PLSCR2: variants seen among roughly 807,000 people sequenced by gnomAD.
The protein encoded by PLSCR2 is phospholipid scramblase 2.
A neutral mutation model predicts 25.3 loss-of-function variants in PLSCR2; 18 were observed. The ratio of observed to expected loss-of-function variants is 0.71; its 90% CI spans 0.49 to 1.06. The LOEUF is 1.06. PLSCR2 is among the 50% of genes least tolerant of loss of function. PLSCR2 has a pLI of 0.00. For missense variants in PLSCR2, 243 were observed against 269.5 expected (o/e 0.90, Z 0.69); for synonymous variants, 88 against 87.3 (o/e 1.01, Z -0.04).
chr3:146,415,311 C>T (rs2038974077), intron 2 of PLSCR2: 1 of 152,226 alleles, frequency 6.6e-6, no homozygotes, highest in Non-Finnish European at 1.5e-5. Flanking sequence ...TGTCACTTGT[C>T]TTGTATATCA....
chr3:146,479,353 C>T (rs1016685277), intron 1 of PLSCR2, among the ~76,000 whole-genome samples: 11 of 152,082 alleles, frequency 7.2e-5, no homozygotes, highest in South Asian at 2.1e-4. Flanking sequence ...ACCCATCTCA[C>T]GTGCAGAGAC....
chr3:146,412,440 C>A (rs138725916), intron 2 of PLSCR2, among the ~76,000 whole-genome samples: 6 of 152,186 alleles, frequency 3.9e-5, no homozygotes, highest in Admixed American at 2.0e-4. Flanking sequence ...GACTAAGCAC[C>A]ATTTGGATGT....
chr3:146,439,135 G>T (rs576567040), downstream of PLSCR2, among the ~76,000 whole-genome samples: 1 of 152,124 alleles, frequency 6.6e-6, no homozygotes, highest in Non-Finnish European at 1.5e-5. Flanking sequence ...AGTTTCTGCC[G>T]AGAGATCTGC....
intron 2 of PLSCR2, among the ~76,000 whole-genome samples, chr3:146,425,241 G>A (rs2039301116): frequency 6.6e-6 from 1 of 152,080 alleles, no homozygotes; most frequent in Admixed American, 6.6e-5. Context: ...CAAGTAAGAG[G>A]CTGTATCTGC....
At chr3:146,463,796 C>T, upstream of PLSCR2, 1 of 880,354 alleles carries the variant, frequency 1.1e-6, no homozygotes, top group South Asian at 5.2e-5. Flanking sequence ...ACATCCTCAA[C>T]TAAAATCTAG....
At chr3:146,466,059 CTTG>C (rs1305628941) in intron 1 of PLSCR2, among the ~76,000 whole-genome samples, 1 of 152,186 alleles carries the variant, frequency 6.6e-6, no homozygotes, top group Non-Finnish European at 1.5e-5. Context: ...TGCAAAGCAC[CTTG>C]TAACCGGGAG....
At chr3:146,493,250 A>G (rs1388111481) in intron 1 of PLSCR2, among the ~76,000 whole-genome samples, 2 of 152,166 alleles carry the variant, frequency 1.3e-5, no homozygotes, top group Non-Finnish European at 2.9e-5. Flanking sequence ...CACTGGAACT[A>G]TTGCAAAAAA....
downstream of PLSCR2, among the ~76,000 whole-genome samples, chr3:146,436,829 G>C (rs2039892946): frequency 6.6e-6 from 1 of 152,176 alleles, no homozygotes; most frequent in African/African-American, 2.4e-5. Flanking sequence ...GGAGTGGTGA[G>C]AGAGGGCATC....
At chr3:146,423,286 T>C (rs1421189059) in intron 2 of PLSCR2, among the ~76,000 whole-genome samples, 4 of 132,436 alleles carry the variant, frequency 3.0e-5, no homozygotes, top group Admixed American at 7.6e-5. Flanking sequence ...TCTCTCTCCC[T>C]GGCTAGATTC....
At chr3:146,478,994 A>G (rs1373229932) in intron 1 of PLSCR2, among the ~76,000 whole-genome samples, 3 of 152,182 alleles carry the variant, frequency 2.0e-5, no homozygotes, top group African/African-American at 7.2e-5. Flanking sequence ...CAGCCAAACT[A>G]AGCTTCATAA....
chr3:146,405,510 G>A (rs1376829235), intron 2 of PLSCR2, among the ~76,000 whole-genome samples: 3 of 152,100 alleles, frequency 2.0e-5, no homozygotes, highest in South Asian at 2.1e-4. Flanking sequence ...GATGATTAAA[G>A]GAAAAGGGAG....
exon 1 of PLSCR2, among the ~76,000 whole-genome samples, chr3:146,460,441 T>TG (rs1160028481): frequency 2.5e-5 from 2 of 79,376 alleles, no homozygotes; most frequent in African/African-American, 5.0e-5. Context: ...GAGATGAAAT[T>TG]GGAAAAAAAA....
chr3:146,437,022 A>G (rs1459370446), downstream of PLSCR2, among the ~76,000 whole-genome samples: 34 of 152,076 alleles, frequency 2.2e-4, no homozygotes. Context: ...TTCTGTATCT[A>G]TTGAGATAAT....
rs374075481 is a variant in PLSCR2 at position 146,415,850 on chromosome 3, C to T, written c.101-19929G>A. Among the ~76,000 whole-genome samples, 53 of 152,200 alleles carry T rather than the reference C, an allele frequency of 3.5e-4. No individual in the cohort carries two copies. The South Asian group carries it at 9.8e-3, about 28-fold the overall frequency. ...TTACATTTTCATACCAGGTTTCTAA[C>T]GCACAAGCAATAGATGAAGTGAGGA... is the stretch of plus-strand genomic sequence containing the variant. On this transcript the variant is annotated intron_variant and NMD_transcript_variant, in intron 2 of 3. Transcript: ENST00000463633.
intron 1 of PLSCR2, among the ~76,000 whole-genome samples, chr3:146,485,228 T>G (rs1400647836): frequency 1.3e-5 from 2 of 151,998 alleles, no homozygotes; most frequent in African/African-American, 4.8e-5. Flanking sequence ...GGTAAAGAGA[T>G]GAATTCAACA....
chr3:146,398,520 T>G (rs1258857459), intron 2 of PLSCR2: 5 of 151,446 alleles, frequency 3.3e-5, no homozygotes, highest in Admixed American at 2.0e-4. Flanking sequence ...ATCCAATTTT[T>G]TTTTAAAAAG....
At chr3:146,460,076 G>A (rs747691324) in exon 2 of PLSCR2, 33 of 1,526,674 alleles carry the variant, frequency 2.2e-5, no homozygotes, top group South Asian at 1.2e-4. Flanking sequence ...CAATATGTCC[G>A]GGAGGTCCTG....
intron 6 of PLSCR2, 52 bp from the exon 7 acceptor site, chr3:146,441,873 C>T: frequency 1.7e-6 from 2 of 1,186,888 alleles, no homozygotes; most frequent in South Asian, 1.3e-5. Flanking sequence ...AAACAGAGAT[C>T]AGATGCAGAA....
chr3:146,425,698 A>G (rs1425235677), intron 2 of PLSCR2, among the ~76,000 whole-genome samples: 1 of 152,098 alleles, frequency 6.6e-6, no homozygotes. Flanking sequence ...AGTACTCAGA[A>G]GAAGTGAGGT....
Sources: allele counts gnomAD v4.1 joint callset (sites outside exome capture counted in the v4.1 genomes callset), GRCh38; gene constraint gnomAD v4.1.1; transcripts MANE v1.5; gene names NCBI Gene and HGNC (gene_info 2026-07-23, HGNC 2026-07-21).